PRDM16: variants seen among roughly 807,000 people sequenced by gnomAD.
PRDM16 encodes the protein PR/SET domain 16.
PRDM16 carries 23 observed loss-of-function variants against 110.6 expected under a neutral mutation model. The ratio of observed to expected loss-of-function variants is 0.21; its 90% CI spans 0.15 to 0.29. The LOEUF (loss-of-function observed/expected upper bound fraction) is 0.29, where lower values mean the gene tolerates loss of function less well. Among genes scored for constraint, PRDM16 ranks in the 10% least tolerant of loss-of-function variants. PRDM16 has a pLI of 1.00. For missense variants in PRDM16, 1,615 were observed against 1,794.3 expected, an observed-to-expected ratio of 0.90 and a Z score of 1.81; for synonymous variants, 799 against 781.8, an observed-to-expected ratio of 1.02 and a Z score of -0.37.
intron 2 of PRDM16, among the ~76,000 whole-genome samples, chr1:3,216,270 T>A (rs1035093151): frequency 6.6e-6 from 1 of 151,266 alleles, no homozygotes; most frequent in Non-Finnish European, 1.5e-5. Flanking sequence ...GAACCAGCCA[T>A]GTTCAAGAAG....
intron 1 of PRDM16, among the ~76,000 whole-genome samples, chr1:3,114,155 A>ACACACACG (rs1553127205): frequency 2.9e-5 from 4 of 139,602 alleles, no homozygotes; most frequent in African/African-American, 1.1e-4. Flanking sequence ...GCACACACGC[A>ACACACACG]CACACACACG....
In PRDM16 at chr1:3,335,642, C is replaced by CACACACACACACACA. The variant is rs1570095583; in HGVS notation, c.439-49510_439-49509insACACACACACACACA. On this transcript the variant is annotated intron_variant, in intron 3 of 16. Coordinates refer to ENST00000270722, the MANE Select transcript of PRDM16 (RefSeq NM_022114.4). ...ACACACACACACACACACACACACA[C>CACACACACACACACA]CCTTGGACATAAATCTGCAAATAAA... is the stretch of plus-strand genomic sequence containing the variant. 4.8e-5 allele frequency among the ~76,000 whole-genome samples: 7 copies of CACACACACACACACA among 146,760 alleles called. No individual in the cohort carries two copies. The East Asian group carries it at 6.0e-4, about 13-fold the overall frequency.
chr1:3,284,413 C>T (rs1640802374), intron 3 of PRDM16, among the ~76,000 whole-genome samples: 1 of 152,094 alleles, frequency 6.6e-6, no homozygotes, highest in African/African-American at 2.4e-5. Context: ...CCTATTAGGC[C>T]AGAATTTTCA....
intron 2 of PRDM16, among the ~76,000 whole-genome samples, chr1:3,198,081 G>A (rs1047361095): frequency 2.0e-5 from 3 of 152,196 alleles, no homozygotes; most frequent in Admixed American, 6.5e-5. Context: ...GAGGGGCAGC[G>A]ACCTGAGGAC....
At chr1:3,386,536 CA>C (rs1409313180) in intron 4 of PRDM16, 2 of 152,108 alleles carry the variant, frequency 1.3e-5, no homozygotes, top group Non-Finnish European at 2.9e-5. Context: ...ACGCTACTAC[CA>C]GGACTTCCGT....
chr1:3,398,136 G>A (rs897277315), intron 5 of PRDM16, among the ~76,000 whole-genome samples: 4 of 152,120 alleles, frequency 2.6e-5, no homozygotes, highest in Admixed American at 6.5e-5. Flanking sequence ...GCACAAGAAC[G>A]CCAAGAGACA....
At chr1:3,225,631 G>A (rs1639272915) in intron 2 of PRDM16, among the ~76,000 whole-genome samples, 1 of 151,310 alleles carries the variant, frequency 6.6e-6, no homozygotes. Context: ...GAGGCTTTGG[G>A]TCTTCAAGAA....
intron 2 of PRDM16, among the ~76,000 whole-genome samples, chr1:3,215,582 C>A (rs566316713): frequency 1.3e-5 from 2 of 152,164 alleles, no homozygotes; most frequent in African/African-American, 4.8e-5. Context: ...CTCCACCGAG[C>A]GGACCAACCC....
rs1641704233 is a variant in PRDM16 at position 3,069,842 on chromosome 1, G to C, written c.37+546G>C. 6.6e-6 allele frequency among the ~76,000 whole-genome samples: 1 copy of C among 152,038 alleles called. No individual in the cohort carries two copies. The highest frequency in any genetic ancestry group is 2.1e-4 in the South Asian group (1 of 4,832). ...GAGGAGGGAGACCCCGAGCCGGGGA[G>C]GGGCGGAGGAGGGGGCGCGGGCCGG... On this transcript the variant is annotated intron_variant, in intron 1 of 16. Transcript: ENST00000270722. The surrounding 1 kb of genome is among the most constrained non-coding windows in gnomAD (Gnocchi z 6.1).
chr1:3,381,174 A>G (rs754583697), intron 3 of PRDM16, among the ~76,000 whole-genome samples: 27 of 152,272 alleles, frequency 1.8e-4, no homozygotes, highest in Middle Eastern at 3.4e-3. Context: ...ACACACATAC[A>G]TACATGCACA....
rs544330129 is a variant in PRDM16, at chr1:3,186,665, C to T, written c.387+191C>T. 1.7e-5 allele frequency: 9 copies of T among 528,296 alleles called. No homozygotes were observed. In the Admixed American group the frequency reaches 2.5e-4, roughly 15 times the overall value. The allele number at this position is 528,296 out of a possible 1,614,324, so 32.7% of individuals were successfully genotyped here. A position where few individuals can be genotyped will look rare whatever the true frequency, so the allele number is the denominator to read the frequency against. On this transcript the variant is annotated intron_variant, in intron 2 of 16. Transcript: ENST00000270722. ...CGACTCAGAAAGCATCAGAGGTCCTCGTGGGTGCCTGTCAGCCCTGTAGGC... is the reference window on the plus strand; with the variant it reads ...CGACTCAGAAAGCATCAGAGGTCCTTGTGGGTGCCTGTCAGCCCTGTAGGC...
intron 3 of PRDM16, among the ~76,000 whole-genome samples, chr1:3,293,498 T>C (rs778903874): frequency 1.3e-5 from 2 of 152,190 alleles, no homozygotes; most frequent in Non-Finnish European, 2.9e-5. Context: ...AGGGGCAACG[T>C]TGGAACGCAA....
rs1016569189 is a variant in PRDM16 at position 3,350,366 on chromosome 1, C to T, written c.439-34786C>T. On this transcript the variant is annotated intron_variant, in intron 3 of 16. Transcript: ENST00000270722. This position sits in a 1 kb window ranked among gnomAD's most constrained non-coding sequence, Gnocchi z 7.1. ...AAAGATCTGGAAGTGGGAGGGGAGG[C>T]GGCTCTCTACCTCCAACCTGGGCAC... Among the ~76,000 whole-genome samples, 9 of 152,134 alleles carry T rather than the reference C, an allele frequency of 5.9e-5. No individual in the cohort carries two copies. Among genetic ancestry groups the T allele is most frequent in the African/African-American group, 1.4e-4 (6 of 41,510 alleles).
intron 12 of PRDM16, among the ~76,000 whole-genome samples, chr1:3,420,197 A>G (rs1206569611): frequency 6.6e-6 from 1 of 152,160 alleles, no homozygotes; most frequent in Admixed American, 6.5e-5. Flanking sequence ...TGTGTTGCAA[A>G]TCCTGACTTT....
intron 3 of PRDM16, among the ~76,000 whole-genome samples, chr1:3,253,350 CT>C (rs1334586894): frequency 1.1e-5 from 1 of 90,764 alleles, no homozygotes; most frequent in Non-Finnish European, 2.2e-5. Flanking sequence ...AATGCTATCC[CT>C]CCCCCCCTCC....
rs555219153 is a variant in PRDM16, at chr1:3,202,097, C to T, written c.387+15623C>T. On this transcript the variant is annotated intron_variant, in intron 2 of 16. Transcript: ENST00000270722. ...GAGGGAAAGCACATCCAGGAAGCAG[C>T]GCCAAAGTCCTTGGAGACACCCCCG... Among the ~76,000 whole-genome samples, 87 of 146,308 alleles carry T rather than the reference C, an allele frequency of 5.9e-4. No individual in the cohort carries two copies. In the South Asian group the frequency reaches 9.5e-3, roughly 16 times the overall value.
intron 1 of PRDM16, among the ~76,000 whole-genome samples, chr1:3,072,112 G>T (rs993725421): frequency 1.3e-5 from 2 of 152,102 alleles, no homozygotes; most frequent in Non-Finnish European, 2.9e-5. Flanking sequence ...ACAGAGTGAG[G>T]ACAGTTCAGG....
intron 2 of PRDM16, among the ~76,000 whole-genome samples, chr1:3,222,505 C>T (rs1310678326): frequency 6.6e-6 from 1 of 152,222 alleles, no homozygotes; most frequent in Non-Finnish European, 1.5e-5. Context: ...GGCCTGTGGT[C>T]GGCTTCAGGA....
chr1:3,158,126 C>T (rs1445871088), intron 1 of PRDM16, among the ~76,000 whole-genome samples: 2 of 152,202 alleles, frequency 1.3e-5, no homozygotes, highest in Admixed American at 6.5e-5. Flanking sequence ...ACCTGATACA[C>T]GGTTGTGCCC....
Sources: gnomAD v4.1 joint callset for allele counts (sites outside exome capture counted in the v4.1 genomes callset) on GRCh38, gnomAD v4.1.1 for gene constraint, Gnocchi (gnomAD v3.1) non-coding constraint, MANE v1.5 for transcripts, NCBI Gene and HGNC (gene_info 2026-07-23, HGNC 2026-07-21) for gene names.